LIG3: variants seen among roughly 807,000 people sequenced by gnomAD.
LIG3 encodes the protein DNA ligase 3.
A neutral mutation model predicts 110.9 loss-of-function variants in LIG3; 58 were observed. The ratio of observed to expected loss-of-function variants is 0.52; its 90% CI spans 0.42 to 0.65. The LOEUF (loss-of-function observed/expected upper bound fraction) is 0.65. LIG3 is among the 30% of genes least tolerant of loss of function. The pLI is 0.00. For synonymous variants in LIG3, 422 were observed against 472.8 expected (o/e 0.89, Z 1.39); for missense variants, 1,094 against 1,273.8 (o/e 0.86, Z 2.15).
At chr17:34,999,879 G>T in intron 16 of LIG3, 23 bp downstream of exon 16, 3 of 1,583,162 alleles carry the variant, frequency 1.9e-6, no homozygotes, top group Non-Finnish European at 2.6e-6. Flanking sequence ...TGGCTTGGGG[G>T]CCTCCAGCTC....
At chr17:34,996,369 G>A in intron 10 of LIG3, 174 bp downstream of exon 10, 1 of 870,160 alleles carries the variant, frequency 1.1e-6, no homozygotes, top group Non-Finnish European at 1.7e-6. Flanking sequence ...CTAAAAAGGG[G>A]CTGGTATTGG....
intron 10 of LIG3, 99 bp downstream of exon 10, chr17:34,996,294 AG>A (rs1177985856): frequency 1.6e-5 from 22 of 1,334,166 alleles, no homozygotes; most frequent in Non-Finnish European, 2.2e-5. Flanking sequence ...AATATCCCTT[AG>A]TGTGGCCCTT....
intron 2 of LIG3, among the ~76,000 whole-genome samples, chr17:34,984,517 C>T (rs1203516691): frequency 1.3e-5 from 2 of 152,126 alleles, no homozygotes; most frequent in African/African-American, 4.8e-5. Context: ...TTAGTCTTAT[C>T]CCGTATGTAT....
At chr17:35,003,940 T>G (rs1467002402) in intron 19 of LIG3, 2 of 302,810 alleles carry the variant, frequency 6.6e-6, no homozygotes, top group African/African-American at 4.3e-5. Context: ...TCAGGGGACA[T>G]CACTGAGTCT....
Position 35,005,255 on chromosome 17 carries a change from T to A in LIG3, c.*749T>A, listed in dbSNP as rs2090886201. ...CAAGACTGTTCTTTAAGAATAAAAA[T>A]CCACATGGGGCTTGAGGCCAAGAAC... On this transcript the variant is annotated 3_prime_UTR_variant, in exon 20 of 20. Coordinates refer to ENST00000378526, the MANE Select transcript of LIG3 (RefSeq NM_013975.4). 2.0e-6 allele frequency: 1 copy of A among 503,182 alleles called. No homozygotes were observed. The highest frequency in any genetic ancestry group is 1.9e-5 in the African/African-American group (1 of 51,516). The allele number at this position is 503,182 out of a possible 1,614,324, so 31.2% of individuals were successfully genotyped here.
At position 34,990,587 on chromosome 17, in the gene LIG3, A is replaced by T. The variant is rs191403292; in HGVS notation, c.890-376A>T. ...GAGCCACCATGCGCGGTCTGAGTTT[A>T]TTTTTTTATTTATTTTTGTGTGTGT... On this transcript the variant is annotated intron_variant, in intron 4 of 19. Coordinates refer to ENST00000378526, the MANE Select transcript of LIG3 (RefSeq NM_013975.4). 2.8e-4 allele frequency among the ~76,000 whole-genome samples: 42 copies of T among 150,382 alleles called. No individual in the cohort carries two copies. In the East Asian group the frequency reaches 5.8e-3, roughly 21 times the overall value.
chr17:35,002,940 GT>G, intron 19 of LIG3, 151 bp downstream of exon 19: 1 of 1,612,650 alleles, frequency 6.2e-7, no homozygotes, highest in Non-Finnish European at 8.5e-7. Flanking sequence ...CTCCTCTGTC[GT>G]GGGCAGGGTC....
At chr17:34,997,293 G>A (rs1196236157) in intron 11 of LIG3, 2 of 177,060 alleles carry the variant, frequency 1.1e-5, no homozygotes, top group Non-Finnish European at 2.5e-5. Flanking sequence ...GGAGAAGGAA[G>A]TAGAGAGGGA....
In LIG3 at chr17:34,995,429, C is replaced by T. The variant is rs186882240; in HGVS notation, c.1612-635C>T. ...TGAGCACACTTTTCCAGATTTAGTC[C>T]TTTCCTTAATTTTCCCTTACCCAGT... On this transcript the variant is annotated intron_variant, in intron 9 of 19. Transcript: ENST00000378526. 4.9e-4 allele frequency among the ~76,000 whole-genome samples: 75 copies of T among 152,296 alleles called. 1 individual carries two copies. The East Asian group carries it at 0.012, about 24-fold the overall frequency.
intron 5 of LIG3, 146 bp from the exon 6 acceptor site, chr17:34,991,525 A>C: frequency 1.4e-6 from 1 of 726,400 alleles, no homozygotes; most frequent in Non-Finnish European, 2.3e-6. Context: ...TGGATGGGCT[A>C]GTGTCTCTAA....
intron 8 of LIG3, 126 bp from the exon 9 acceptor site, chr17:34,994,150 A>T: frequency 1.3e-6 from 1 of 778,964 alleles, no homozygotes; most frequent in Non-Finnish European, 2.0e-6. Flanking sequence ...CCTGAGCGTT[A>T]ATTGTGGGCA....
chr17:34,988,649 TA>T (rs550344027), intron 3 of LIG3, among the ~76,000 whole-genome samples: 189 of 152,336 alleles, frequency 1.2e-3, no homozygotes, highest in African/African-American at 3.9e-3. Context: ...AAAAATGTAT[TA>T]TTTTTTTTTT....
At chr17:34,990,065 T>C (rs1597793728) in intron 4 of LIG3, among the ~76,000 whole-genome samples, 1 of 152,248 alleles carries the variant, frequency 6.6e-6, no homozygotes, top group Non-Finnish European at 1.5e-5. Flanking sequence ...AAATTGTCGA[T>C]GAGCATCTCT....
chr17:35,004,795 T>C lies in LIG3; in HGVS notation c.*289T>C, dbSNP rs1042267676. 16 of 390,174 alleles carry C rather than the reference T, an allele frequency of 4.1e-5. No homozygotes were observed. Among genetic ancestry groups the C allele is most frequent in the South Asian group, 7.2e-5 (2 of 27,738 alleles). The allele number at this position is 390,174 out of a possible 1,614,324, so 24.2% of individuals were successfully genotyped here. On this transcript the variant is annotated 3_prime_UTR_variant, in exon 20 of 20. Transcript: ENST00000378526. ...AGTTACCCTTTTTATAAATAAAATATCTTGCAGTTATCTTTGTCCTTTCCC... is the reference window on the plus strand; with the variant it reads ...AGTTACCCTTTTTATAAATAAAATACCTTGCAGTTATCTTTGTCCTTTCCC...
intron 1 of LIG3, among the ~76,000 whole-genome samples, chr17:34,982,561 C>T (rs1459701325): frequency 6.6e-6 from 1 of 151,510 alleles, no homozygotes; most frequent in African/African-American, 2.4e-5. Flanking sequence ...GCAGGAGAAT[C>T]GCTTGAACCC....
chr17:34,989,690 C>CGGA (rs2090697585), intron 4 of LIG3, 27 bp downstream of exon 4: 6 of 1,609,710 alleles, frequency 3.7e-6, no homozygotes, highest in Non-Finnish European at 5.1e-6. Context: ...CTGAATAGGC[C>CGGA]TTTCCTCCGG....
chr17:35,003,977 G>A (rs1198657764), intron 19 of LIG3: 6 of 351,064 alleles, frequency 1.7e-5, no homozygotes, highest in African/African-American at 4.2e-5. Flanking sequence ...AGCCAGCTCC[G>A]CCTGCCCACC....
At chr17:35,010,510 T>C (rs2090930297), downstream of LIG3, 1 of 152,198 alleles carries the variant, frequency 6.6e-6, no homozygotes, top group Admixed American at 6.5e-5. Flanking sequence ...TCCCAGCACT[T>C]TGGGAAGCTG....
intron 2 of LIG3, among the ~76,000 whole-genome samples, chr17:34,985,411 T>C (rs1254693336): frequency 6.6e-6 from 1 of 152,150 alleles, no homozygotes; most frequent in Non-Finnish European, 1.5e-5. Flanking sequence ...ATATACTTTA[T>C]TCTCAGGCTC....
Sources: allele counts gnomAD v4.1 joint callset (sites outside exome capture counted in the v4.1 genomes callset), GRCh38; gene constraint gnomAD v4.1.1; transcripts MANE v1.5; gene names NCBI Gene and HGNC (gene_info 2026-07-23, HGNC 2026-07-21).